Variants in ADAMTS9 observed in about 807,000 individuals in gnomAD.
The protein encoded by ADAMTS9 is A disintegrin and metalloproteinase with thrombospondin motifs 9.
A neutral mutation model predicts 257.1 loss-of-function variants in ADAMTS9; 107 were observed. The observed-to-expected ratio is 0.42, with a 90% CI of 0.36 to 0.49. The LOEUF is 0.49. Ranked by LOEUF, ADAMTS9 falls within the 20% of genes least tolerant of loss-of-function variation. ADAMTS9 has a pLI of 0.03. For missense variants in ADAMTS9, 2,353 were observed against 2,469.1 expected, an observed-to-expected ratio of 0.95 and a Z score of 1.00; for synonymous variants, 982 against 880.9, an observed-to-expected ratio of 1.11 and a Z score of -2.03.
chr3:64,641,711 G>A (rs139346957), intron 12 of ADAMTS9, 137 bp downstream of exon 12: 2 of 1,117,076 alleles, frequency 1.8e-6, no homozygotes, highest in African/African-American at 1.6e-5. Flanking sequence ...GGTACCGTGG[G>A]TCTAAGCAGC....
At chr3:64,576,429 C>T (rs13318141) in intron 28 of ADAMTS9, among the ~76,000 whole-genome samples, 26,025 of 152,126 alleles carry the variant, frequency 0.17, 3,361 homozygotes, top group African/African-American at 0.34. Context: ...TGAACTCACT[C>T]AGGGGAGGTT....
chr3:64,546,848 G>GT lies in ADAMTS9; in HGVS notation c.4973dup (p.Asn1658LysfsTer51). ...CACTGGGGGGCTGCGTGCCTGGGCAGTTGATGGTGGTTTGGTAGCTGTATT... is the reference window on the plus strand; with the variant it reads ...CACTGGGGGGCTGCGTGCCTGGGCAGTTTGATGGTGGTTTGGTAGCTGTATT... On this transcript the variant is annotated frameshift_variant, in exon 32 of 40. Coordinates refer to ENST00000498707, the MANE Select transcript of ADAMTS9 (RefSeq NM_182920.2). LOFTEE classifies it high-confidence loss of function. 1 of 1,614,170 alleles carries GT rather than the reference G, an allele frequency of 6.2e-7. No individual in the cohort carries two copies. The highest frequency in any genetic ancestry group is 8.5e-7 in the Non-Finnish European group (1 of 1,180,010).
chr3:64,613,222 G>C, intron 22 of ADAMTS9, 123 bp downstream of exon 22: 1 of 1,115,886 alleles, frequency 9.0e-7, no homozygotes, highest in Non-Finnish European at 1.3e-6. Flanking sequence ...CAGTGCCATG[G>C]AGGTGTCCTG....
intron 29 of ADAMTS9, among the ~76,000 whole-genome samples, chr3:64,567,148 A>G (rs2083565255): frequency 6.6e-6 from 1 of 152,228 alleles, no homozygotes; most frequent in Non-Finnish European, 1.5e-5. Context: ...TTGAAAATAC[A>G]TTCAGGTTTC....
intron 39 of ADAMTS9, among the ~76,000 whole-genome samples, chr3:64,520,613 G>T (rs2106867936): frequency 6.6e-6 from 1 of 152,104 alleles, no homozygotes; most frequent in Admixed American, 6.6e-5. Context: ...AAAAATTAAT[G>T]GAACAGAATA....
At chr3:64,606,143 C>G (rs1387708764) in intron 23 of ADAMTS9, among the ~76,000 whole-genome samples, 3 of 152,162 alleles carry the variant, frequency 2.0e-5, no homozygotes, top group Non-Finnish European at 4.4e-5. Flanking sequence ...AATCAGATAC[C>G]TTTCAGATAT....
At chr3:64,607,215 G>C in intron 22 of ADAMTS9, 136 bp from the exon 23 acceptor site, 2 of 1,085,562 alleles carry the variant, frequency 1.8e-6, no homozygotes, top group Non-Finnish European at 2.7e-6. Context: ...AAACTAGGTC[G>C]AAGTGGGCAA....
intron 3 of ADAMTS9, among the ~76,000 whole-genome samples, chr3:64,661,254 GT>G (rs1373847120): frequency 2.0e-5 from 3 of 152,066 alleles, no homozygotes; most frequent in Non-Finnish European, 4.4e-5. Context: ...ACTCATATAT[GT>G]ATACCAATGC....
Position 64,687,668 on chromosome 3 carries a change from A to G in ADAMTS9, c.-11T>C. On this transcript the variant is annotated 5_prime_UTR_variant, in exon 1 of 40. Coordinates refer to ENST00000498707, the MANE Select transcript of ADAMTS9 (RefSeq NM_182920.2). The surrounding 1 kb of genome is among the most constrained non-coding windows in gnomAD (Gnocchi z 4.4). ...GGATACAAACTGCATGGTGCTTCCCACCCCTCCCTCCGCTGCCCCCACCCC... is the reference window on the plus strand; with the variant it reads ...GGATACAAACTGCATGGTGCTTCCCGCCCCTCCCTCCGCTGCCCCCACCCC... The G allele has an allele frequency of 7.1e-7, 1 of 1,416,992 alleles. No individual in the cohort carries two copies. Among genetic ancestry groups the G allele is most frequent in the Admixed American group, 2.2e-5 (1 of 45,974 alleles). 87.8% of individuals were successfully genotyped at this position (1,416,992 alleles called of 1,614,324 possible).
chr3:64,615,544 A>G, intron 20 of ADAMTS9, 59 bp from the exon 21 acceptor site: 1 of 1,518,312 alleles, frequency 6.6e-7, no homozygotes, highest in Non-Finnish European at 8.9e-7. Flanking sequence ...AGTATGCTGA[A>G]GATCCTGGCT....
In ADAMTS9 at chr3:64,604,069, T is replaced by C. The variant is rs2084513895; in HGVS notation, c.3600A>G (p.Lys1200=). Residue 1200 remains lysine (K), a synonymous_variant, in exon 25 of 40, where the codon AAA becomes AAG. Transcript: ENST00000498707. The part of the protein sequence containing the change: ...SWTPCSATCG[K]GTRMRYVSCR... ...AGCTGACGTATCTCATCCGGGTACC[T>C]TTCCCACAAGTGGCTGAGCACTGGG... The C allele has an allele frequency of 1.2e-6, 2 of 1,614,030 alleles. No homozygotes were observed. Among genetic ancestry groups the C allele is most frequent in the Non-Finnish European group, 1.7e-6 (2 of 1,179,972 alleles).
At chr3:64,631,602 C>T in intron 15 of ADAMTS9, 52 bp from the exon 16 acceptor site, 1 of 1,467,914 alleles carries the variant, frequency 6.8e-7, no homozygotes. Flanking sequence ...TTCACTTTCT[C>T]TAAGTATGGA....
At chr3:64,627,048 C>T (rs1353458003) in intron 16 of ADAMTS9, among the ~76,000 whole-genome samples, 2 of 152,172 alleles carry the variant, frequency 1.3e-5, no homozygotes, top group Non-Finnish European at 2.9e-5. Flanking sequence ...TCACCCAGTT[C>T]TTTCAAATGA....
intron 2 of ADAMTS9, among the ~76,000 whole-genome samples, chr3:64,685,864 C>G (rs956457463): frequency 2.6e-5 from 4 of 152,132 alleles, no homozygotes; most frequent in Non-Finnish European, 5.9e-5. Flanking sequence ...CCGGCCACCC[C>G]GCCAGTAGGG....
At chr3:64,588,896 C>T (rs2084209406) in intron 28 of ADAMTS9, 1 of 152,174 alleles carries the variant, frequency 6.6e-6, no homozygotes, top group African/African-American at 2.4e-5. Flanking sequence ...GAGTGCTACA[C>T]AGAACTAAGG....
chr3:64,620,894 C>T (rs1700086946), intron 19 of ADAMTS9, among the ~76,000 whole-genome samples: 1 of 152,198 alleles, frequency 6.6e-6, no homozygotes, highest in Non-Finnish European at 1.5e-5. Context: ...GTGCCATACT[C>T]TATTAGCTAT....
At chr3:64,542,354 T>C (rs2083135589) in intron 32 of ADAMTS9, among the ~76,000 whole-genome samples, 1 of 151,984 alleles carries the variant, frequency 6.6e-6, no homozygotes, top group African/African-American at 2.4e-5. Flanking sequence ...AAGGTCATAG[T>C]GGAGCCAGGA....
rs756699569 is a variant in ADAMTS9 at position 64,655,801 on chromosome 3, A to G, written c.1044T>C (p.His348=). Residue 348 remains histidine (H), a synonymous_variant, in exon 5 of 40, where the codon CAT becomes CAC. Transcript: ENST00000498707. The stretch of plus-strand genomic sequence containing the variant: ...AAAAAAACTTTATTACCTGTTCATT[A>G]TGAATCACAATTAAGTTCACAATAA... The part of the protein sequence containing the change: ...NIVIVNLIVI[H]NEQDGPSISF... 5.1e-6 allele frequency: 8 copies of G among 1,570,990 alleles called. No homozygotes were observed. In the South Asian group the frequency reaches 9.4e-5, roughly 19 times the overall value.
At chr3:64,647,910 G>C in intron 11 of ADAMTS9, 30 bp downstream of exon 11, 3 of 1,591,490 alleles carry the variant, frequency 1.9e-6, no homozygotes, top group Non-Finnish European at 2.6e-6. Flanking sequence ...TCTGCCCTAA[G>C]ACAGAAGGAC....
Sources: gnomAD v4.1 joint callset for allele counts (sites outside exome capture counted in the v4.1 genomes callset) on GRCh38, gnomAD v4.1.1 for gene constraint, Gnocchi (gnomAD v3.1) non-coding constraint, MANE v1.5 for transcripts, NCBI Gene and HGNC (gene_info 2026-07-23, HGNC 2026-07-21) for gene names.